SUMF1: variants seen among roughly 807,000 people sequenced by gnomAD.
SUMF1 encodes the protein sulfatase modifying factor 1.
A neutral mutation model predicts 47.6 loss-of-function variants in SUMF1; 48 were observed. The ratio of observed to expected loss-of-function variants is 1.01; its 90% CI spans 0.80 to 1.28. The LOEUF is 1.28. SUMF1 is among the 50% of genes most tolerant of loss of function. The pLI is 0.00. For missense variants in SUMF1, 571 were observed against 485.4 expected (o/e 1.18, Z -1.66); for synonymous variants, 230 against 192.1 (o/e 1.20, Z -1.63).
chr3:4,177,447 A>G (rs1694991494), intron 8 of SUMF1, among the ~76,000 whole-genome samples: 1 of 152,160 alleles, frequency 6.6e-6, no homozygotes, highest in African/African-American at 2.4e-5. Flanking sequence ...CTACTGGGTA[A>G]ATAATGAAAT....
intron 8 of SUMF1, among the ~76,000 whole-genome samples, chr3:4,120,426 A>ATT (rs1693512432): frequency 6.6e-6 from 1 of 152,190 alleles, no homozygotes; most frequent in Non-Finnish European, 1.5e-5. Context: ...TTACAAAAAG[A>ATT]TATTTCAAAG....
At chr3:4,201,729 A>G (rs1038468493) in intron 8 of SUMF1, among the ~76,000 whole-genome samples, 3 of 152,070 alleles carry the variant, frequency 2.0e-5, no homozygotes, top group African/African-American at 7.2e-5. Flanking sequence ...ACTGTTTTTC[A>G]TAGTGACTGT....
At chr3:4,183,851 G>A (rs1036410445) in intron 8 of SUMF1, among the ~76,000 whole-genome samples, 3 of 152,162 alleles carry the variant, frequency 2.0e-5, no homozygotes, top group African/African-American at 7.2e-5. Flanking sequence ...TTTATAAGTA[G>A]TGTTAAACCA....
At chr3:4,428,346 G>A (rs1441821977) in intron 3 of SUMF1, among the ~76,000 whole-genome samples, 2 of 150,616 alleles carry the variant, frequency 1.3e-5, no homozygotes, top group Non-Finnish European at 3.0e-5. Context: ...TATATCTAAT[G>A]TTCTTCTTGT....
chr3:4,089,801 G>A (rs932697245), intron 8 of SUMF1, among the ~76,000 whole-genome samples: 4 of 152,026 alleles, frequency 2.6e-5, no homozygotes, highest in African/African-American at 9.7e-5. Context: ...TATTTTTGTA[G>A]TGTCTTCTTT....
At chr3:4,169,412 A>G (rs934545902) in intron 8 of SUMF1, among the ~76,000 whole-genome samples, 7 of 152,158 alleles carry the variant, frequency 4.6e-5, no homozygotes, top group African/African-American at 1.7e-4. Context: ...AGAAAAGACA[A>G]TGTGAAGACA....
intron 8 of SUMF1, among the ~76,000 whole-genome samples, chr3:4,096,228 T>C: frequency 6.6e-6 from 1 of 152,110 alleles, no homozygotes; most frequent in East Asian, 1.9e-4. Flanking sequence ...CATCACCAAC[T>C]CAGTCGGTCA....
At chr3:4,244,161 A>G (rs1696607408) in intron 8 of SUMF1, among the ~76,000 whole-genome samples, 2 of 152,088 alleles carry the variant, frequency 1.3e-5, no homozygotes, top group Non-Finnish European at 2.9e-5. Context: ...GTGTCTTTGC[A>G]TGTGAGATGG....
chr3:4,043,666 A>C (rs1306955914), intron 9 of SUMF1, among the ~76,000 whole-genome samples: 1 of 152,036 alleles, frequency 6.6e-6, no homozygotes, highest in African/African-American at 2.4e-5. Context: ...CGTCTATCTC[A>C]CACTTTATTT....
intron 8 of SUMF1, among the ~76,000 whole-genome samples, chr3:4,373,537 G>C (rs1378132667): frequency 6.6e-6 from 1 of 151,942 alleles, no homozygotes; most frequent in Non-Finnish European, 1.5e-5. Context: ...ACAATTGCTT[G>C]AGTTCAGAAA....
At chr3:4,445,392 C>T (rs1205540021) in intron 3 of SUMF1, among the ~76,000 whole-genome samples, 1 of 152,198 alleles carries the variant, frequency 6.6e-6, no homozygotes, top group African/African-American at 2.4e-5. Context: ...GCCTGGAGTA[C>T]AATGGTGCCA....
chr3:4,318,475 A>G (rs1008812680), intron 8 of SUMF1, among the ~76,000 whole-genome samples: 2 of 152,234 alleles, frequency 1.3e-5, no homozygotes, highest in Admixed American at 6.5e-5. Flanking sequence ...ATGAAGACCC[A>G]CAGCTAACAT....
chr3:4,430,672 T>G (rs1037058179), intron 3 of SUMF1, among the ~76,000 whole-genome samples: 3 of 152,022 alleles, frequency 2.0e-5, no homozygotes, highest in Admixed American at 2.0e-4. Context: ...AGAACCAAAG[T>G]ACATCATTGA....
intron 8 of SUMF1, among the ~76,000 whole-genome samples, chr3:4,170,716 A>G (rs1210230776): frequency 6.6e-6 from 1 of 152,186 alleles, no homozygotes; most frequent in Non-Finnish European, 1.5e-5. Flanking sequence ...AGGTGAAAAG[A>G]TAATTCAGTG....
At chr3:4,180,123 G>T (rs1695060001) in intron 8 of SUMF1, among the ~76,000 whole-genome samples, 1 of 152,192 alleles carries the variant, frequency 6.6e-6, no homozygotes, top group Non-Finnish European at 1.5e-5. Context: ...CACCATTGTG[G>T]AAGACAGTGT....
At chr3:4,306,557 A>T (rs978550440) in intron 8 of SUMF1, among the ~76,000 whole-genome samples, 4 of 152,198 alleles carry the variant, frequency 2.6e-5, no homozygotes, top group African/African-American at 9.6e-5. Context: ...GAGTTACAAA[A>T]ATAAGACAGG....
rs115953462 is a variant in SUMF1, at chr3:4,383,256, A to G, written c.955-6867T>C. 3.7e-3 allele frequency among the ~76,000 whole-genome samples: 559 copies of G among 152,134 alleles called. 2 individuals are homozygous for G. The highest frequency in any genetic ancestry group is 0.013 in the African/African-American group (544 of 41,490). ...TAGCCAGTCGTGGTGGTACACACCT[A>G]TAATTCCAGCTTTTAGGGATGCTGA... is the stretch of plus-strand genomic sequence containing the variant. On this transcript the variant is annotated intron_variant, in intron 7 of 8. Transcript: ENST00000272902.
At chr3:4,284,463 AG>A (rs1697591145) in intron 8 of SUMF1, among the ~76,000 whole-genome samples, 1 of 139,096 alleles carries the variant, frequency 7.2e-6, no homozygotes, top group Non-Finnish European at 1.6e-5. Flanking sequence ...GAGGAGGAGG[AG>A]GAGGAGGAGA....
intron 7 of SUMF1, among the ~76,000 whole-genome samples, chr3:4,384,323 G>A (rs556513270): frequency 7.2e-5 from 11 of 152,156 alleles, no homozygotes; most frequent in Admixed American, 2.0e-4. Flanking sequence ...AGGAATTGGT[G>A]TACTCTATAT....
Sources: gnomAD v4.1 joint callset for allele counts (sites outside exome capture counted in the v4.1 genomes callset) on GRCh38, gnomAD v4.1.1 for gene constraint, MANE v1.5 for transcripts, NCBI Gene and HGNC (gene_info 2026-07-23, HGNC 2026-07-21) for gene names.